INPP4B: variants seen among roughly 807,000 people sequenced by gnomAD.
INPP4B encodes inositol polyphosphate 4-phosphatase type II.
A neutral mutation model predicts 122.5 loss-of-function variants in INPP4B; 55 were observed. That is an observed-to-expected ratio of 0.45 (90% CI 0.36 to 0.56). INPP4B has a LOEUF of 0.56. Ranked by LOEUF, INPP4B falls within the 20% of genes least tolerant of loss-of-function variation. INPP4B has a pLI of 0.00. For synonymous variants in INPP4B, 403 were observed against 388.7 expected, an observed-to-expected ratio of 1.04 and a Z score of -0.43; for missense variants, 1,000 against 1,097.7, an observed-to-expected ratio of 0.91 and a Z score of 1.26.
At chr4:142,596,598 G>C (rs996075595) in intron 2 of INPP4B, among the ~76,000 whole-genome samples, 2 of 152,162 alleles carry the variant, frequency 1.3e-5, no homozygotes, top group African/African-American at 2.4e-5. Context: ...TATAATAAGC[G>C]ATAAACAATG....
intron 25 of INPP4B, 62 bp downstream of exon 25, chr4:142,081,969 A>C (rs963487927): frequency 9.6e-6 from 12 of 1,246,518 alleles, no homozygotes; most frequent in African/African-American, 1.5e-5. Flanking sequence ...ATTTTGAAAA[A>C]AAAAATAAAA....
chr4:142,086,709 C>T (rs1189565314), intron 23 of INPP4B, among the ~76,000 whole-genome samples: 3 of 152,176 alleles, frequency 2.0e-5, no homozygotes. Flanking sequence ...TGTCTGAGGA[C>T]AACCATACTT....
intron 2 of INPP4B, among the ~76,000 whole-genome samples, chr4:142,611,283 T>C (rs899013028): frequency 2.6e-5 from 4 of 152,132 alleles, no homozygotes; most frequent in African/African-American, 7.2e-5. Context: ...TCTACACCCA[T>C]AATCCAATCA....
At chr4:142,757,445 C>G (rs1000128621) in intron 1 of INPP4B, among the ~76,000 whole-genome samples, 8 of 152,268 alleles carry the variant, frequency 5.3e-5, no homozygotes, top group South Asian at 4.1e-4. Context: ...TTCATCCCTT[C>G]TTCCCTGAAA....
At chr4:142,510,515 C>T (rs1824576545) in intron 2 of INPP4B, among the ~76,000 whole-genome samples, 1 of 152,144 alleles carries the variant, frequency 6.6e-6, no homozygotes, top group South Asian at 2.1e-4. Context: ...AATTAAACGC[C>T]TCTTTTGCAC....
chr4:142,103,561 A>T (rs1785504073), intron 23 of INPP4B, among the ~76,000 whole-genome samples: 1 of 152,138 alleles, frequency 6.6e-6, no homozygotes, highest in Non-Finnish European at 1.5e-5. Context: ...CAACAAAACT[A>T]AATTATTCAG....
chr4:142,544,838 T>C (rs192626259), intron 2 of INPP4B, among the ~76,000 whole-genome samples: 190 of 152,302 alleles, frequency 1.2e-3, no homozygotes, highest in Middle Eastern at 3.4e-3. Context: ...TGTTACTGTA[T>C]TTTGTGTAGA....
At chr4:142,686,816 A>T (rs1435897143) in intron 2 of INPP4B, among the ~76,000 whole-genome samples, 1 of 152,104 alleles carries the variant, frequency 6.6e-6, no homozygotes, top group Non-Finnish European at 1.5e-5. Flanking sequence ...CCCTACAGAG[A>T]TGATTCTGTG....
chr4:142,508,208 C>A (rs1386291958), intron 2 of INPP4B, among the ~76,000 whole-genome samples: 1 of 152,124 alleles, frequency 6.6e-6, no homozygotes, highest in African/African-American at 2.4e-5. Flanking sequence ...GGCCTAATCA[C>A]TTTGACCAGC....
At chr4:142,228,534 CA>C (rs1561543901) in intron 12 of INPP4B, among the ~76,000 whole-genome samples, 1 of 151,778 alleles carries the variant, frequency 6.6e-6, no homozygotes, top group Non-Finnish European at 1.5e-5. Flanking sequence ...AAAAAGTTGG[CA>C]GTATTATAAG....
At chr4:142,702,752 A>G (rs1020867790) in intron 2 of INPP4B, among the ~76,000 whole-genome samples, 1 of 151,444 alleles carries the variant, frequency 6.6e-6, no homozygotes, top group South Asian at 2.1e-4. Flanking sequence ...AAAAAAAAAA[A>G]AAGAACTTTG....
intron 18 of INPP4B, among the ~76,000 whole-genome samples, chr4:142,128,560 G>A (rs555327557): frequency 2.0e-5 from 3 of 152,116 alleles, no homozygotes; most frequent in Admixed American, 6.5e-5. Context: ...GTTTTAGTGT[G>A]TCTATAAGAA....
chr4:142,185,362 A>G (rs1832672504), intron 15 of INPP4B, among the ~76,000 whole-genome samples: 1 of 139,416 alleles, frequency 7.2e-6, no homozygotes, highest in South Asian at 2.5e-4. Context: ...TACCTGCTAG[A>G]TATATATTTA....
intron 1 of INPP4B, among the ~76,000 whole-genome samples, chr4:142,739,550 C>CA (rs1241868327): frequency 3.3e-5 from 5 of 151,708 alleles, no homozygotes; most frequent in Admixed American, 1.3e-4. Context: ...ATTGAAATAT[C>CA]AAAAAATTAT....
At chr4:142,396,321 T>C (rs1799345223) in intron 7 of INPP4B, among the ~76,000 whole-genome samples, 1 of 152,044 alleles carries the variant, frequency 6.6e-6, no homozygotes, top group African/African-American at 2.4e-5. Context: ...CTTCATTTTT[T>C]CCAAAAAGAG....
intron 25 of INPP4B, among the ~76,000 whole-genome samples, chr4:142,066,554 A>G (rs1763595893): frequency 6.6e-6 from 1 of 152,148 alleles, no homozygotes. Context: ...ACTCTTTGAG[A>G]ACAAATGTGC....
chr4:142,246,033 C>CGTGTGTGTATACACACATTATATATATGT lies in INPP4B; in HGVS notation c.689-8051_689-8023dup, dbSNP rs769150850. Among the ~76,000 whole-genome samples, 38 of 127,010 alleles carry CGTGTGTGTATACACACATTATATATATGT rather than the reference C, an allele frequency of 3.0e-4. 2 individuals are homozygous for CGTGTGTGTATACACACATTATATATATGT. The highest frequency in any genetic ancestry group is 8.7e-4 in the Admixed American group (11 of 12,628). The allele number at this position is 127,010 out of a possible 152,430, so 83.3% of individuals were successfully genotyped here. A position where few individuals can be genotyped will look rare whatever the true frequency, so the allele number is the denominator to read the frequency against. On this transcript the variant is annotated intron_variant, in intron 11 of 25. Coordinates refer to ENST00000262992, the MANE Select transcript of INPP4B (RefSeq NM_001101669.3). ...ACACACATGTGTGTATGTACACACACGTGTGTGTATACACACATTATATAT... is the reference window on the plus strand; with the variant it reads ...ACACACATGTGTGTATGTACACACACGTGTGTGTATACACACATTATATATATGTGTGTGTGTATACACACATTATATAT...
chr4:142,026,158 T>C lies in INPP4B; in HGVS notation c.*2624A>G, dbSNP rs1046258127. ...TGCTGGTGTATCTTTTAAGTGAAAA[T>C]ATAGATAGAATAGCATGACTGTGGC... On this transcript the variant is annotated 3_prime_UTR_variant, in exon 26 of 26. Transcript: ENST00000262992. 2 of 152,116 alleles carry C rather than the reference T, an allele frequency of 1.3e-5. No homozygotes were observed. The highest frequency in any genetic ancestry group is 2.4e-5 in the African/African-American group (1 of 41,430). The allele number at this position is 152,116 out of a possible 1,614,324, so 9.4% of individuals were successfully genotyped here.
intron 11 of INPP4B, among the ~76,000 whole-genome samples, chr4:142,251,635 G>A (rs1425596515): frequency 2.0e-5 from 3 of 152,182 alleles, no homozygotes; most frequent in African/African-American, 4.8e-5. Flanking sequence ...GCTGTAGGCT[G>A]AGAAACACCT....
Sources: gnomAD v4.1 joint callset for allele counts (sites outside exome capture counted in the v4.1 genomes callset) on GRCh38, gnomAD v4.1.1 for gene constraint, MANE v1.5 for transcripts, NCBI Gene and HGNC (gene_info 2026-07-23, HGNC 2026-07-21) for gene names.